ELOVL6: variants seen among roughly 807,000 people sequenced by gnomAD.
ELOVL6 encodes ELOVL fatty acid elongase 6.
ELOVL6 carries 8 observed loss-of-function variants against 31.7 expected under a neutral mutation model. The observed-to-expected ratio is 0.25, with a 90% CI of 0.15 to 0.45. ELOVL6 has a LOEUF of 0.45. Among genes scored for constraint, ELOVL6 ranks in the 20% least tolerant of loss-of-function variants. ELOVL6 has a pLI of 1.00. For missense variants in ELOVL6, 126 were observed against 326.4 expected, an observed-to-expected ratio of 0.39 and a Z score of 4.73; for synonymous variants, 101 against 117.7, an observed-to-expected ratio of 0.86 and a Z score of 0.92.
intron 1 of ELOVL6, among the ~76,000 whole-genome samples, chr4:110,128,853 A>T (rs984212299): frequency 1.3e-5 from 2 of 152,204 alleles, no homozygotes; most frequent in Admixed American, 6.5e-5. Flanking sequence ...TTTCCAACCA[A>T]CAAGACAGAA....
At chr4:110,096,280 T>C (rs753424988) in intron 2 of ELOVL6, among the ~76,000 whole-genome samples, 4 of 152,198 alleles carry the variant, frequency 2.6e-5, no homozygotes, top group Non-Finnish European at 4.4e-5. Context: ...CCAAGTTGCA[T>C]GGACCCCAGT....
chr4:110,102,794 C>G (rs1405394448), intron 2 of ELOVL6, among the ~76,000 whole-genome samples: 3 of 152,004 alleles, frequency 2.0e-5, no homozygotes, highest in Non-Finnish European at 1.5e-5. Context: ...AGTACCCAGA[C>G]AGTGGTTTCT....
intron 1 of ELOVL6, among the ~76,000 whole-genome samples, chr4:110,187,315 A>G (rs1759479191): frequency 6.6e-6 from 1 of 151,908 alleles, no homozygotes; most frequent in African/African-American, 2.4e-5. Flanking sequence ...TTCTGGAGCC[A>G]TTTTTGACTG....
intron 2 of ELOVL6, among the ~76,000 whole-genome samples, chr4:110,072,924 A>T (rs1755531562): frequency 6.6e-6 from 1 of 152,158 alleles, no homozygotes; most frequent in Non-Finnish European, 1.5e-5. Context: ...TCCTGGCCCC[A>T]ATTTAATCAC....
chr4:110,170,138 T>C (rs1041969235), intron 1 of ELOVL6, among the ~76,000 whole-genome samples: 4 of 152,180 alleles, frequency 2.6e-5, no homozygotes, highest in African/African-American at 9.6e-5. Context: ...CTATATTTAT[T>C]AGATTTATAA....
intron 1 of ELOVL6, among the ~76,000 whole-genome samples, chr4:110,108,613 C>T (rs1350798031): frequency 1.3e-5 from 2 of 152,106 alleles, no homozygotes; most frequent in Non-Finnish European, 2.9e-5. Context: ...TTTCCTCCTT[C>T]GACAGAAAAG....
At chr4:110,156,326 G>T (rs1466926228) in intron 1 of ELOVL6, among the ~76,000 whole-genome samples, 1 of 152,102 alleles carries the variant, frequency 6.6e-6, no homozygotes, top group African/African-American at 2.4e-5. Context: ...ATAATGAAAG[G>T]TAAGGGCTTT....
chr4:110,110,401 A>ATT (rs397878146), intron 1 of ELOVL6, among the ~76,000 whole-genome samples: 190 of 109,710 alleles, frequency 1.7e-3, no homozygotes, highest in Non-Finnish European at 2.6e-3. Flanking sequence ...TTTTCCGCAG[A>ATT]TTTTTTTTTT....
chr4:110,084,414 C>CATGATATATCACATATATCATAT (rs1251843304), intron 2 of ELOVL6, among the ~76,000 whole-genome samples: 55 of 22,896 alleles, frequency 2.4e-3, no homozygotes, highest in Admixed American at 4.1e-3. Flanking sequence ...ATATGACATA[C>CATGATATATCACATATATCATAT]ATGATATATC....
chr4:110,069,994 G>A (rs1466980064), intron 2 of ELOVL6, among the ~76,000 whole-genome samples: 1 of 152,152 alleles, frequency 6.6e-6, no homozygotes, highest in Non-Finnish European at 1.5e-5. Context: ...GATAAAGAAC[G>A]GTGCCTTTCT....
chr4:110,071,005 TAG>T (rs1420365387), intron 2 of ELOVL6, among the ~76,000 whole-genome samples: 1 of 152,182 alleles, frequency 6.6e-6, no homozygotes, highest in African/African-American at 2.4e-5. Context: ...ATTATCTGTA[TAG>T]AGTCTTCCCC....
chr4:110,188,905 A>AG (rs1759525274), intron 1 of ELOVL6, among the ~76,000 whole-genome samples: 1 of 151,644 alleles, frequency 6.6e-6, no homozygotes, highest in African/African-American at 2.4e-5. Context: ...AAAAAAAAAA[A>AG]GTAAAACATT....
At chr4:110,104,800 C>A (rs374097447) in intron 2 of ELOVL6, among the ~76,000 whole-genome samples, 23 of 152,058 alleles carry the variant, frequency 1.5e-4, no homozygotes, top group Admixed American at 4.6e-4. Context: ...CTTGTGATTG[C>A]CTAGATCACA....
At chr4:110,135,958 T>C (rs946508647) in intron 1 of ELOVL6, among the ~76,000 whole-genome samples, 2 of 152,216 alleles carry the variant, frequency 1.3e-5, no homozygotes, top group African/African-American at 4.8e-5. Context: ...GTGAGTCTAG[T>C]AGAAAAATGA....
At chr4:110,175,307 C>G (rs1029786843) in intron 1 of ELOVL6, among the ~76,000 whole-genome samples, 9 of 151,798 alleles carry the variant, frequency 5.9e-5, no homozygotes, top group African/African-American at 2.2e-4. Context: ...CGCTTGACCC[C>G]AGAGGGAGAG....
chr4:110,068,049 G>A (rs1343714493), intron 2 of ELOVL6, among the ~76,000 whole-genome samples: 1 of 151,934 alleles, frequency 6.6e-6, no homozygotes, highest in African/African-American at 2.4e-5. Context: ...TGGGGAATCA[G>A]ACAATCAATA....
At chr4:110,188,630 G>C (rs1759514850) in intron 1 of ELOVL6, among the ~76,000 whole-genome samples, 1 of 152,154 alleles carries the variant, frequency 6.6e-6, no homozygotes, top group Non-Finnish European at 1.5e-5. Context: ...GCTCATGACT[G>C]TTATCCCAGC....
chr4:110,186,384 C>CAT (rs1205345200), intron 1 of ELOVL6, among the ~76,000 whole-genome samples: 1 of 152,030 alleles, frequency 6.6e-6, no homozygotes, highest in African/African-American at 2.4e-5. Context: ...CCCCACACAA[C>CAT]GTAAAAATAA....
chr4:110,059,526 G>C (rs77808755), intron 3 of ELOVL6, 77 bp downstream of exon 3: 45 of 1,457,740 alleles, frequency 3.1e-5, no homozygotes, highest in Non-Finnish European at 3.9e-5. Flanking sequence ...CCTTCAAAAT[G>C]TTTCTTTGCT....
Sources: allele counts gnomAD v4.1 joint callset (sites outside exome capture counted in the v4.1 genomes callset), GRCh38; gene constraint gnomAD v4.1.1; transcripts MANE v1.5; gene names NCBI Gene and HGNC (gene_info 2026-07-23, HGNC 2026-07-21).